TRAPPC9: variants seen among roughly 807,000 people sequenced by gnomAD.
TRAPPC9 encodes IKK2 binding protein.
Under a neutral mutation model 124.0 loss-of-function variants are expected in TRAPPC9, and 83 were observed. The ratio of observed to expected loss-of-function variants is 0.67; its 90% CI spans 0.56 to 0.80. TRAPPC9 has a LOEUF of 0.80. Among genes scored for constraint, TRAPPC9 ranks in the 30% least tolerant of loss-of-function variants. TRAPPC9 has a pLI of 0.00. For missense variants in TRAPPC9, 1,302 were observed against 1,508.3 expected (o/e 0.86, Z 2.27); for synonymous variants, 638 against 617.5 (o/e 1.03, Z -0.49).
chr8:139,826,658 G>T (rs929385248), intron 21 of TRAPPC9, among the ~76,000 whole-genome samples: 1 of 152,226 alleles, frequency 6.6e-6, no homozygotes. Flanking sequence ...GAGGCTGTCA[G>T]CCTGGCCCGG....
intron 17 of TRAPPC9, among the ~76,000 whole-genome samples, chr8:140,188,539 T>C (rs1288317914): frequency 6.6e-6 from 1 of 152,186 alleles, no homozygotes; most frequent in East Asian, 1.9e-4. Flanking sequence ...CTCTGCTCCC[T>C]GCAAAACTCC....
chr8:139,964,225 A>C (rs1181575089), intron 19 of TRAPPC9, among the ~76,000 whole-genome samples: 30 of 24,624 alleles, frequency 1.2e-3, no homozygotes, highest in African/African-American at 6.2e-3. Context: ...ACTCTGTCTC[A>C]AAAAAAAAAA....
intron 17 of TRAPPC9, among the ~76,000 whole-genome samples, chr8:140,153,291 T>C (rs60055560): frequency 0.019 from 2,926 of 152,218 alleles, 100 homozygotes; most frequent in African/African-American, 0.067. Flanking sequence ...TGATTAAGAT[T>C]TCCTAACATA....
chr8:140,100,699 G>A (rs2060562386), intron 17 of TRAPPC9: 1 of 152,306 alleles, frequency 6.6e-6, no homozygotes, highest in Non-Finnish European at 1.5e-5. Context: ...CTCTGGAAGG[G>A]AAGGGCGCTG....
At chr8:140,037,026 T>C (rs990460857) in intron 17 of TRAPPC9, among the ~76,000 whole-genome samples, 1 of 151,916 alleles carries the variant, frequency 6.6e-6, no homozygotes, top group Non-Finnish European at 1.5e-5. Context: ...CCCTGGTGTG[T>C]GACCGTCACA....
chr8:140,088,727 T>C (rs938169792), intron 17 of TRAPPC9, among the ~76,000 whole-genome samples: 2 of 152,256 alleles, frequency 1.3e-5, no homozygotes, highest in Admixed American at 1.3e-4. Context: ...AGAGACCTGA[T>C]AGGGAATCAT....
At chr8:140,035,854 C>G (rs1325599559) in intron 17 of TRAPPC9, among the ~76,000 whole-genome samples, 1 of 152,228 alleles carries the variant, frequency 6.6e-6, no homozygotes, top group Admixed American at 6.5e-5. Flanking sequence ...AAACTGAGAA[C>G]CCCTGCAGGA....
intron 19 of TRAPPC9, among the ~76,000 whole-genome samples, chr8:139,980,054 C>CA (rs1479427845): frequency 6.6e-6 from 1 of 151,890 alleles, no homozygotes; most frequent in Non-Finnish European, 1.5e-5. Flanking sequence ...CAGGTACCCC[C>CA]CAGTGACATC....
chr8:139,962,844 C>T (rs1835425974), intron 19 of TRAPPC9, among the ~76,000 whole-genome samples: 1 of 63,598 alleles, frequency 1.6e-5, no homozygotes, highest in Non-Finnish European at 5.1e-5. Flanking sequence ...CAGAAGGAGG[C>T]AAACTTATGC....
At chr8:139,736,548 CG>C (rs1188071923) in intron 21 of TRAPPC9, among the ~76,000 whole-genome samples, 1 of 152,166 alleles carries the variant, frequency 6.6e-6, no homozygotes, top group African/African-American at 2.4e-5. Context: ...CTTCCTATGA[CG>C]GGGCAGAGCA....
At chr8:140,284,349 A>T (rs1447639218) in intron 13 of TRAPPC9, among the ~76,000 whole-genome samples, 1 of 152,252 alleles carries the variant, frequency 6.6e-6, no homozygotes, top group Non-Finnish European at 1.5e-5. Context: ...TTTGCTTTTC[A>T]GATTTATCCA....
intron 17 of TRAPPC9, among the ~76,000 whole-genome samples, chr8:140,176,534 T>C (rs983039064): frequency 3.3e-5 from 5 of 152,234 alleles, no homozygotes; most frequent in African/African-American, 1.2e-4. Flanking sequence ...TTGCACTGCA[T>C]GGGTATGTTA....
At chr8:139,857,738 C>G (rs978184724) in intron 21 of TRAPPC9, among the ~76,000 whole-genome samples, 2 of 152,250 alleles carry the variant, frequency 1.3e-5, no homozygotes, top group African/African-American at 4.8e-5. Flanking sequence ...AAGCACGAGG[C>G]TGGGTGCCCT....
intron 11 of TRAPPC9, among the ~76,000 whole-genome samples, chr8:140,295,053 A>G (rs1307428404): frequency 6.6e-6 from 1 of 152,014 alleles, no homozygotes; most frequent in African/African-American, 2.4e-5. Context: ...AAACCCCCTC[A>G]TCTCAGGCCC....
At chr8:140,004,046 G>T (rs1388737424) in intron 18 of TRAPPC9, among the ~76,000 whole-genome samples, 2 of 152,156 alleles carry the variant, frequency 1.3e-5, no homozygotes, top group African/African-American at 4.8e-5. Context: ...CAGACTCAGT[G>T]ACACAGACAG....
chr8:140,190,050 A>T (rs961166920), intron 17 of TRAPPC9, among the ~76,000 whole-genome samples: 36 of 152,232 alleles, frequency 2.4e-4, no homozygotes, highest in Admixed American at 2.2e-3. Flanking sequence ...GAAAACAGAG[A>T]AATCAAAGCT....
At position 140,073,523 on chromosome 8, in the gene TRAPPC9, C is replaced by T. The variant is rs573457541; in HGVS notation, c.2557-49444G>A. Among the ~76,000 whole-genome samples, 15 of 152,288 alleles carry T rather than the reference C, an allele frequency of 9.8e-5. No individual in the cohort carries two copies. The South Asian group carries it at 2.1e-3, about 21-fold the overall frequency. On this transcript the variant is annotated intron_variant, in intron 17 of 22. Transcript: ENST00000438773. ...AAGGCAAAAACATCAGAACTGAGGA[C>T]ACCTCTAGTTAGCGTATGGGGATTA...
At chr8:139,968,209 G>A (rs1340148376) in intron 19 of TRAPPC9, among the ~76,000 whole-genome samples, 2 of 152,062 alleles carry the variant, frequency 1.3e-5, no homozygotes, top group Non-Finnish European at 2.9e-5. Flanking sequence ...AAGCACAATG[G>A]TGCTTCTGTG....
rs146006430 is a variant in TRAPPC9 at position 140,372,583 on chromosome 8, G to A, written c.1135-1403C>T. On this transcript the variant is annotated intron_variant, in intron 7 of 22. Transcript: ENST00000438773. ...GTTTGTGCCTCCCCAAAATTCACAT[G>A]TTGAAAGCCTAGCCCCCAAGGTGAT... Among the ~76,000 whole-genome samples the A allele has an allele frequency of 1.5e-3, 231 of 152,284 alleles. 1 individual carries two copies. The highest frequency in any genetic ancestry group is 3.7e-3 in the Admixed American group (57 of 15,290).
Sources: gnomAD v4.1 joint callset for allele counts (sites outside exome capture counted in the v4.1 genomes callset) on GRCh38, gnomAD v4.1.1 for gene constraint, MANE v1.5 for transcripts, NCBI Gene and HGNC (gene_info 2026-07-23, HGNC 2026-07-21) for gene names.